UNC79: variants seen among roughly 807,000 people sequenced by gnomAD.
UNC79 encodes protein unc-79 homolog.
Under a neutral mutation model 283.1 loss-of-function variants are expected in UNC79, and 37 were observed. That is an observed-to-expected ratio of 0.13 (90% CI 0.10 to 0.17). The LOEUF is 0.17. Among genes scored for constraint, UNC79 ranks in the 10% least tolerant of loss-of-function variants. The pLI is 1.00. For synonymous variants in UNC79, 1,107 were observed against 1,200.2 expected (o/e 0.92, Z 1.61); for missense variants, 2,272 against 3,211.1 (o/e 0.71, Z 7.07).
At position 93,577,492 on chromosome 14, in the gene UNC79, T is replaced by G. The variant is rs148007776; in HGVS notation, c.2212-350T>G. Among the ~76,000 whole-genome samples the G allele has an allele frequency of 3.2e-4, 49 of 152,360 alleles. 1 individual carries two copies. The East Asian group carries it at 9.1e-3, about 28-fold the overall frequency. On this transcript the variant is annotated intron_variant, in intron 17 of 48. Coordinates refer to ENST00000555664, the Ensembl canonical transcript of UNC79. ...TGTGCTTCTGATTCTAAACATTATC[T>G]TGCAATATTTTACTTTTGTAAGTTC...
intron 1 of UNC79, among the ~76,000 whole-genome samples, chr14:93,448,168 G>A (rs1024358672): frequency 1.4e-5 from 2 of 144,930 alleles, no homozygotes; most frequent in Admixed American, 1.4e-4. Context: ...CTGAGACTCG[G>A]TTCTTTTTTT....
chr14:93,632,906 C>T (rs2068155182), intron 31 of UNC79, among the ~76,000 whole-genome samples: 1 of 151,978 alleles, frequency 6.6e-6, no homozygotes, highest in South Asian at 2.1e-4. Context: ...CCATTAAAAG[C>T]ATGCATTCTA....
intron 12 of UNC79, among the ~76,000 whole-genome samples, chr14:93,539,538 A>T (rs904284647): frequency 2.0e-5 from 3 of 151,962 alleles, no homozygotes; most frequent in South Asian, 2.1e-4. Context: ...TAAATTAAAA[A>T]AATAATAATA....
intron 14 of UNC79, among the ~76,000 whole-genome samples, chr14:93,563,862 G>A (rs992098152): frequency 6.6e-6 from 1 of 152,166 alleles, no homozygotes; most frequent in Admixed American, 6.5e-5. Context: ...GAGTATAGCT[G>A]AAGGAGCCAG....
rs542419018 is a variant in UNC79 at position 93,520,459 on chromosome 14, A to G, written c.899-3519A>G. Among the ~76,000 whole-genome samples, 42 of 151,924 alleles carry G rather than the reference A, an allele frequency of 2.8e-4. 1 individual carries two copies. The highest frequency in any genetic ancestry group is 6.8e-3 in the Middle Eastern group (2 of 294). On this transcript the variant is annotated intron_variant, in intron 7 of 48. Coordinates refer to ENST00000555664, the Ensembl canonical transcript of UNC79. The stretch of plus-strand genomic sequence containing the variant: ...GGGGTTGTTTTCATCAGACTTGAAA[A>G]TTTTTAGCCATTGTCTCTTCAAATA...
chr14:93,509,310 C>T (rs1474973337), intron 7 of UNC79, among the ~76,000 whole-genome samples: 1 of 152,010 alleles, frequency 6.6e-6, no homozygotes, highest in Non-Finnish European at 1.5e-5. Context: ...CACCCTTGGC[C>T]CCTCCAAAAT....
intron 17 of UNC79, among the ~76,000 whole-genome samples, chr14:93,576,822 A>AG (rs1295335854): frequency 6.6e-6 from 1 of 152,182 alleles, no homozygotes; most frequent in Non-Finnish European, 1.5e-5. Context: ...TCTCTCCTCC[A>AG]GGTCTCAGGA....
chr14:93,688,527 C>A lies in UNC79; in HGVS notation c.6910-138C>A. The A allele has an allele frequency of 1.1e-6, 1 of 899,380 alleles. No homozygotes were observed. The highest frequency in any genetic ancestry group is 1.7e-6 in the Non-Finnish European group (1 of 605,714). The allele number at this position is 899,380 out of a possible 1,614,324, so 55.7% of individuals were successfully genotyped here. A position where few individuals can be genotyped will look rare whatever the true frequency, so the allele number is the denominator to read the frequency against. ...TTTTATCCTAAGAACAATGGGAAGG[C>A]TCTGAAGAAGTTTAAGCAGGTTGTT... On this transcript the variant is annotated intron_variant, in intron 43 of 48. Transcript: ENST00000555664. The surrounding 1 kb of genome is among the most constrained non-coding windows in gnomAD (Gnocchi z 4.0).
At chr14:93,682,120 A>T (rs1055811844) in intron 41 of UNC79, among the ~76,000 whole-genome samples, 25 of 152,342 alleles carry the variant, frequency 1.6e-4, no homozygotes, top group African/African-American at 6.0e-4. Context: ...CTTTATCAGC[A>T]CAAAGGATAC....
intron 1 of UNC79, among the ~76,000 whole-genome samples, chr14:93,421,840 A>G (rs770053183): frequency 6.6e-6 from 1 of 151,662 alleles, no homozygotes; most frequent in African/African-American, 2.4e-5. Flanking sequence ...CAGGGATGCA[A>G]TGTTAGTTCA....
chr14:93,353,531 C>G (rs1371598518), intron 1 of UNC79, among the ~76,000 whole-genome samples: 2 of 152,190 alleles, frequency 1.3e-5, no homozygotes, highest in African/African-American at 4.8e-5. Flanking sequence ...TATTCTCATT[C>G]CTTGAGTAAC....
chr14:93,662,599 T>C lies in UNC79; in HGVS notation c.6526-5T>C, dbSNP rs1359651794. On this transcript the variant is annotated splice_region_variant and splice_polypyrimidine_tract_variant and intron_variant, in intron 39 of 48. Coordinates refer to ENST00000555664, the Ensembl canonical transcript of UNC79. ...TGACTTTATTTGGCCCCAATCTCAT[T>C]GCAGAGTTTGTTGGAACCATTTTCA... 2 of 1,598,594 alleles carry C rather than the reference T, an allele frequency of 1.3e-6. No individual in the cohort carries two copies. The highest frequency in any genetic ancestry group is 2.2e-5 in the South Asian group (2 of 88,996).
intron 7 of UNC79, among the ~76,000 whole-genome samples, chr14:93,523,588 CTG>C (rs1208161522): frequency 1.6e-4 from 24 of 152,180 alleles, no homozygotes. Context: ...TATACTAACT[CTG>C]TGACCATATC....
rs112868180 is a variant in UNC79, at chr14:93,702,285, C to T, written c.7549-2340C>T. 1.0e-2 allele frequency among the ~76,000 whole-genome samples: 1,520 copies of T among 152,210 alleles called. 28 individuals carry two copies. The highest frequency in any genetic ancestry group is 0.034 in the African/African-American group (1,424 of 41,534). ...ATGAGGGTTGGGGGACAGGGGGAGG[C>T]ATGGAGAGGGTGGCATCTTCTGATA... On this transcript the variant is annotated intron_variant, in intron 47 of 48. Coordinates refer to ENST00000555664, the Ensembl canonical transcript of UNC79.
intron 18 of UNC79, among the ~76,000 whole-genome samples, chr14:93,579,470 A>G (rs182784016): frequency 2.4e-3 from 360 of 152,166 alleles, no homozygotes; most frequent in Middle Eastern, 6.8e-3. Flanking sequence ...CTGATGGAAT[A>G]CTTTCTCCTT....
In UNC79 at chr14:93,705,316, G is replaced by A. The variant is rs903184846; in HGVS notation, c.7590+650G>A. Among the ~76,000 whole-genome samples the A allele has an allele frequency of 3.0e-5, 4 of 135,490 alleles. No homozygotes were observed. In the Middle Eastern group the frequency reaches 0.012, roughly 420 times the overall value. 88.9% of individuals were successfully genotyped at this position (135,490 alleles called of 152,430 possible). A position where few individuals can be genotyped will look rare whatever the true frequency, so the allele number is the denominator to read the frequency against. ...TCACTATTTGCAGTAACAAGATTGT[G>A]TATATATAGACAGAGCAAGACCCAG... On this transcript the variant is annotated intron_variant, in intron 48 of 48. Coordinates refer to ENST00000555664, the Ensembl canonical transcript of UNC79.
At chr14:93,343,425 C>G (rs1282534369) in intron 1 of UNC79, among the ~76,000 whole-genome samples, 1 of 152,200 alleles carries the variant, frequency 6.6e-6, no homozygotes, top group African/African-American at 2.4e-5. Flanking sequence ...ACTTTTGCAA[C>G]TCTTCTGCTT....
chr14:93,360,084 C>G (rs776027860), intron 1 of UNC79, among the ~76,000 whole-genome samples: 1 of 152,114 alleles, frequency 6.6e-6, no homozygotes, highest in Non-Finnish European at 1.5e-5. Flanking sequence ...GTCAAACTTA[C>G]AGTGGGTCCA....
chr14:93,534,533 G>A (rs751670532), intron 11 of UNC79, among the ~76,000 whole-genome samples: 14 of 152,134 alleles, frequency 9.2e-5, no homozygotes, highest in South Asian at 2.1e-4. Context: ...TATTTTGGGC[G>A]TTTCAGTGTG....
Sources: gnomAD v4.1 joint callset for allele counts (sites outside exome capture counted in the v4.1 genomes callset) on GRCh38, gnomAD v4.1.1 for gene constraint, Gnocchi (gnomAD v3.1) non-coding constraint, MANE v1.5 for transcripts, NCBI Gene and HGNC (gene_info 2026-07-23, HGNC 2026-07-21) for gene names.